SLC9D1: variants seen among roughly 807,000 people sequenced by gnomAD.
SLC9D1 encodes solute carrier family 9 member D1.
the SLC9D1 span, chr13:113,495,376 A>G: frequency 2.0e-6 from 1 of 509,876 alleles, no homozygotes; most frequent in African/African-American, 1.9e-5. Flanking sequence ...TTAGATGTTG[A>G]TATTTATCTA....
the SLC9D1 span, among the ~76,000 whole-genome samples, chr13:113,543,750 G>T: frequency 6.6e-6 from 1 of 150,872 alleles, no homozygotes; most frequent in African/African-American, 2.4e-5. Flanking sequence ...ATGTCTGAGA[G>T]CTCCTGTTAA....
chr13:113,496,427 G>T, the SLC9D1 span, among the ~76,000 whole-genome samples: 5 of 152,182 alleles, frequency 3.3e-5, no homozygotes. Flanking sequence ...TGTGAAGTTT[G>T]ACTTTTCTTC....
the SLC9D1 span, chr13:113,520,810 C>T: frequency 2.8e-6 from 3 of 1,075,000 alleles, no homozygotes; most frequent in Non-Finnish European, 4.2e-6. Flanking sequence ...AATACCTTTT[C>T]CAAAGAGATG....
chr13:113,512,565 C>A, the SLC9D1 span, among the ~76,000 whole-genome samples: 8 of 151,014 alleles, frequency 5.3e-5, no homozygotes, highest in Admixed American at 3.9e-4. Context: ...AGACTCGGAG[C>A]CCCAGGTGCT....
At chr13:113,493,364 C>G in the SLC9D1 span, among the ~76,000 whole-genome samples, 1 of 152,174 alleles carries the variant, frequency 6.6e-6, no homozygotes, top group South Asian at 2.1e-4. Flanking sequence ...AGCAAAGCAT[C>G]TCAGATTTCT....
At chr13:113,520,693 A>C in the SLC9D1 span, 14 of 1,613,986 alleles carry the variant, frequency 8.7e-6, no homozygotes, top group Admixed American at 1.7e-4. Context: ...CATGGCCGTC[A>C]TGCCGACTCT....
At chr13:113,492,264 C>T in the SLC9D1 span, among the ~76,000 whole-genome samples, 1 of 152,156 alleles carries the variant, frequency 6.6e-6, no homozygotes, top group Admixed American at 6.5e-5. Flanking sequence ...ATAATTGTGT[C>T]GTAATACAGC....
the SLC9D1 span, chr13:113,505,032 T>C: frequency 1.3e-5 from 2 of 152,224 alleles, no homozygotes; most frequent in Admixed American, 1.3e-4. Flanking sequence ...ATTGTGGTTT[T>C]GATTTGCATT....
At chr13:113,524,176 G>A in the SLC9D1 span, 1 of 456,488 alleles carries the variant, frequency 2.2e-6, no homozygotes, top group South Asian at 1.5e-5. Flanking sequence ...CAGTTGTTGA[G>A]GGAGATGGTA....
chr13:113,539,933 G>A, the SLC9D1 span, among the ~76,000 whole-genome samples: 1 of 152,090 alleles, frequency 6.6e-6, no homozygotes, highest in Non-Finnish European at 1.5e-5. The surrounding 1 kb of genome is among the most constrained non-coding windows in gnomAD (Gnocchi z 4.8). Context: ...ACGTGTACTC[G>A]GTGTTGAGCT....
the SLC9D1 span, among the ~76,000 whole-genome samples, chr13:113,502,345 C>T: frequency 6.6e-6 from 1 of 152,092 alleles, no homozygotes; most frequent in Non-Finnish European, 1.5e-5. Flanking sequence ...TCTTGAGTAG[C>T]TGGGATTACA....
chr13:113,522,021 T>G, the SLC9D1 span, among the ~76,000 whole-genome samples: 3 of 152,228 alleles, frequency 2.0e-5, no homozygotes, highest in South Asian at 6.2e-4. Context: ...AGGACCTGTC[T>G]CGTGTGCTTT....
chr13:113,510,372 C>T, the SLC9D1 span: 1 of 1,613,974 alleles, frequency 6.2e-7, no homozygotes, highest in Non-Finnish European at 8.5e-7. Context: ...CCTTGTCAAG[C>T]ACACCCCTCG....
the SLC9D1 span, among the ~76,000 whole-genome samples, chr13:113,503,135 C>T: frequency 6.6e-6 from 1 of 152,210 alleles, no homozygotes; most frequent in African/African-American, 2.4e-5. Flanking sequence ...AAATTTCCTT[C>T]CTTCTTTTTC....
the SLC9D1 span, among the ~76,000 whole-genome samples, chr13:113,544,522 G>A: frequency 1.3e-5 from 2 of 152,220 alleles, no homozygotes; most frequent in East Asian, 1.9e-4. Context: ...AAACAGCCAC[G>A]CTTGCTCATT....
At chr13:113,547,323 G>T in the SLC9D1 span, 1 of 1,614,226 alleles carries the variant, frequency 6.2e-7, no homozygotes, top group Non-Finnish European at 8.5e-7. Context: ...CCCCACGTTT[G>T]TGGCGTACGA....
At chr13:113,539,485 C>T in the SLC9D1 span, 1 of 1,613,018 alleles carries the variant, frequency 6.2e-7, no homozygotes, top group Non-Finnish European at 8.5e-7. The surrounding 1 kb of genome is among the most constrained non-coding windows in gnomAD (Gnocchi z 4.8). Context: ...ACTTCCTGGC[C>T]ATCGTTTTCT....
the SLC9D1 span, chr13:113,498,580 A>G: frequency 7.4e-7 from 1 of 1,344,106 alleles, no homozygotes; most frequent in South Asian, 1.4e-5. Flanking sequence ...ATCAGAAGAC[A>G]TGTTGTTGAA....
At chr13:113,500,623 G>A in the SLC9D1 span, among the ~76,000 whole-genome samples, 1 of 152,208 alleles carries the variant, frequency 6.6e-6, no homozygotes, top group East Asian at 1.9e-4. Context: ...CAAAGGCTAT[G>A]CAGGGAGGTA....
Sources: gnomAD v4.1 joint callset for allele counts (sites outside exome capture counted in the v4.1 genomes callset) on GRCh38, gnomAD v4.1.1 for gene constraint, Gnocchi (gnomAD v3.1) non-coding constraint, MANE v1.5 for transcripts, NCBI Gene and HGNC (gene_info 2026-07-23, HGNC 2026-07-21) for gene names.